Variants in DHX37 observed in about 807,000 individuals in gnomAD.
The protein encoded by DHX37 is DEAH-box helicase 37.
In DHX37, 52 loss-of-function variants were observed where a neutral mutation model predicts 134.3. The ratio of observed to expected loss-of-function variants is 0.39; its 90% confidence interval spans 0.31 to 0.49. DHX37 has a LOEUF of 0.49. Ranked by LOEUF, DHX37 falls within the 20% of genes least tolerant of loss-of-function variation. The pLI, the probability that DHX37 is intolerant of heterozygous loss-of-function variation, is 0.93. For missense variants in DHX37, 1,344 were observed against 1,580.8 expected (o/e 0.85, Z 2.54); for synonymous variants, 634 against 670.7 (o/e 0.95, Z 0.85).
intron 20 of DHX37, chr12:124,952,816 C>T (rs1052719598): frequency 2.4e-5 from 8 of 335,322 alleles, no homozygotes; most frequent in Non-Finnish European, 4.3e-5. Flanking sequence ...GAGCATTCTT[C>T]GAGGAGACAG....
intron 15 of DHX37, among the ~76,000 whole-genome samples, chr12:124,960,910 T>C (rs7961813): frequency 0.37 from 56,060 of 152,156 alleles, 10,757 homozygotes; most frequent in East Asian, 0.64. Context: ...AGCCAGATGG[T>C]GCCACTGTAC....
Position 124,950,234 on chromosome 12 carries a change from C to T in DHX37, c.3131G>A (p.Gly1044Asp), listed in dbSNP as rs1255655177. The T allele has an allele frequency of 1.9e-6, 3 of 1,613,510 alleles. No individual in the cohort carries two copies. Among genetic ancestry groups the T allele is most frequent in the Non-Finnish European group, 2.5e-6 (3 of 1,180,010 alleles). Residue 1044 changes from glycine to aspartate, a missense_variant, in exon 24 of 27, where the codon GGC becomes GAC. Gly to Asp is a moderately conservative substitution (Grantham distance 94, BLOSUM62 -1). Coordinates refer to ENST00000308736, the MANE Select transcript of DHX37 (RefSeq NM_032656.4). Reference sequence around the variant, plus strand: ...CACCTCGATGGCGGGGAGCGGCCAGCCCACGCGATCTAGAAGGTGGGAGCC... The same window carrying T: ...CACCTCGATGGCGGGGAGCGGCCAGTCCACGCGATCTAGAAGGTGGGAGCC... ...CHRASVFYRV[G>D]WPLPAIEVDF...
At chr12:124,976,098 GCCGTGGACC>G (rs1954634279) in intron 5 of DHX37, among the ~76,000 whole-genome samples, 1 of 152,166 alleles carries the variant, frequency 6.6e-6, no homozygotes, top group Non-Finnish European at 1.5e-5. Flanking sequence ...CCCAGTAACA[GCCGTGGACC>G]CTGAATCTCT....
intron 16 of DHX37, among the ~76,000 whole-genome samples, chr12:124,958,736 C>T (rs1044343767): frequency 1.3e-5 from 2 of 151,948 alleles, no homozygotes; most frequent in African/African-American, 4.8e-5. Flanking sequence ...AAGAATTCTC[C>T]TGCCTCAGCC....
In DHX37 at chr12:124,953,941, G is replaced by C. The variant is rs753242847; in HGVS notation, c.2634C>G (p.Asn878Lys). Residue 878 changes from asparagine to lysine, a missense_variant, in exon 20 of 27, where the codon AAC (asparagine) becomes AAG (lysine). Coordinates refer to ENST00000308736, the MANE Select transcript of DHX37 (RefSeq NM_032656.4). ...CCATCATGGCTTTGTACCGCAGCCC[G>C]TTGGCTTCGCAAAACTGGGGTGTGC... ...ASCTPQFCEANGLRYKAMMEI... is the reference protein window; with the variant it reads ...ASCTPQFCEAKGLRYKAMMEI... The C allele has an allele frequency of 1.2e-6, 2 of 1,613,300 alleles. No individual in the cohort carries two copies. Among genetic ancestry groups the C allele is most frequent in the Non-Finnish European group, 1.7e-6 (2 of 1,179,898 alleles).
chr12:124,952,755 C>CA, intron 20 of DHX37, 185 bp from the exon 21 acceptor site: 2 of 467,234 alleles, frequency 4.3e-6, no homozygotes, highest in Non-Finnish European at 7.1e-6. Context: ...GCCGCCCCCC[C>CA]ATTCCCTCCT....
intron 12 of DHX37, 80 bp from the exon 13 acceptor site, chr12:124,965,892 C>T: frequency 1.3e-6 from 2 of 1,539,414 alleles, no homozygotes; most frequent in Non-Finnish European, 8.8e-7. Context: ...AGACAGGTGC[C>T]CTCGCATGGA....
chr12:124,988,497 G>C (rs1321225907), intron 1 of DHX37, among the ~76,000 whole-genome samples: 1 of 152,104 alleles, frequency 6.6e-6, no homozygotes, highest in Non-Finnish European at 1.5e-5. Flanking sequence ...CCAGTGCCTA[G>C]AATAGTGCCT....
intron 6 of DHX37, among the ~76,000 whole-genome samples, chr12:124,972,978 A>T (rs1257259314): frequency 6.6e-6 from 1 of 152,202 alleles, no homozygotes; most frequent in African/African-American, 2.4e-5. Flanking sequence ...AAAAGTCCTT[A>T]TCTTAATTCA....
Position 124,980,602 on chromosome 12 carries a change from G to C in DHX37, c.626C>G (p.Pro209Arg). The C allele has an allele frequency of 6.2e-7, 1 of 1,610,596 alleles. No individual in the cohort carries two copies. Among genetic ancestry groups the C allele is most frequent in the Non-Finnish European group, 8.5e-7 (1 of 1,179,766 alleles). The change falls in exon 4 of 27, where the codon CCC becomes CGC. Residue 209 changes from proline (P) to arginine (R), a missense_variant. By Grantham distance (103) the Pro-to-Arg change is moderately radical. Coordinates refer to ENST00000308736, the MANE Select transcript of DHX37 (RefSeq NM_032656.4). This position sits in a 1 kb window ranked among gnomAD's most constrained non-coding sequence, Gnocchi z 5.3. Reference protein sequence around the residue: ...LPPAPAPSSQPVPAGMTVPPP... With the variant: ...LPPAPAPSSQRVPAGMTVPPP... ...AGGAACAGTCATCCCAGCCGGCACG[G>C]GCTGACTGCTGGGTGCTGGAGCTGG...
At chr12:124,984,142 G>A (rs574354795) in intron 2 of DHX37, among the ~76,000 whole-genome samples, 48 of 152,276 alleles carry the variant, frequency 3.2e-4, no homozygotes, top group Admixed American at 8.5e-4. Flanking sequence ...CTGGGGCAGC[G>A]GGGGGCGGCG....
At chr12:124,961,090 CAT>C (rs1201282117) in intron 15 of DHX37, among the ~76,000 whole-genome samples, 13 of 152,362 alleles carry the variant, frequency 8.5e-5, no homozygotes, top group Admixed American at 6.5e-4. Context: ...TTTTAACTAA[CAT>C]GTAGCCCTGA....
chr12:124,970,632 C>T (rs1954498322), intron 8 of DHX37, among the ~76,000 whole-genome samples: 1 of 152,188 alleles, frequency 6.6e-6, no homozygotes, highest in Non-Finnish European at 1.5e-5. Flanking sequence ...CACTGGCTCA[C>T]ATACTCTGAG....
chr12:124,948,434 G>T, intron 25 of DHX37: 1 of 620,420 alleles, frequency 1.6e-6, no homozygotes, highest in Non-Finnish European at 2.7e-6. Flanking sequence ...TGGGCAACAG[G>T]GCAAGAACTT....
At chr12:124,975,392 T>C (rs1467966093) in intron 6 of DHX37, 27 bp downstream of exon 6, 1 of 1,609,736 alleles carries the variant, frequency 6.2e-7, no homozygotes, top group Admixed American at 1.7e-5. Flanking sequence ...CACCCCATAG[T>C]CCGCCCCAGG....
At chr12:124,963,266 A>G (rs962075984) in intron 15 of DHX37, among the ~76,000 whole-genome samples, 2 of 152,338 alleles carry the variant, frequency 1.3e-5, no homozygotes, top group Admixed American at 1.3e-4. Context: ...CACACCTTGT[A>G]TGACTTTATT....
Position 124,947,622 on chromosome 12 carries a change from C to T in DHX37, c.*180G>A, listed in dbSNP as rs114775792. ...AAAGTCACCCCCGGGCCAGATGGCA[C>T]GGGCGGCAGCACCCTTCATACGGGA... On this transcript the variant is annotated 3_prime_UTR_variant, in exon 27 of 27. Transcript: ENST00000308736. 723 of 737,950 alleles carry T rather than the reference C, an allele frequency of 9.8e-4. 2 individuals carry two copies. The African/African-American group carries it at 0.011, about 11-fold the overall frequency. The allele number at this position is 737,950 out of a possible 1,614,324, so 45.7% of individuals were successfully genotyped here.
chr12:124,957,856 G>C (rs1954130970), intron 16 of DHX37, among the ~76,000 whole-genome samples: 1 of 152,226 alleles, frequency 6.6e-6, no homozygotes, highest in African/African-American at 2.4e-5. Context: ...GTGCGTCTCT[G>C]AATGGAGGAG....
chr12:124,960,231 C>T, intron 16 of DHX37, 81 bp downstream of exon 16: 1 of 1,546,580 alleles, frequency 6.5e-7, no homozygotes. Context: ...ACCAGCAGAC[C>T]CAGCTCTGGG....
Sources: gnomAD v4.1 joint callset for allele counts (sites outside exome capture counted in the v4.1 genomes callset) on GRCh38, gnomAD v4.1.1 for gene constraint, Gnocchi (gnomAD v3.1) non-coding constraint, MANE v1.5 for transcripts, NCBI Gene and HGNC (gene_info 2026-07-23, HGNC 2026-07-21) for gene names.